The following SLC17A3 variants were observed in gnomAD, a reference collection of about 807,000 sequenced individuals.
SLC17A3 encodes the protein sodium-dependent phosphate transport protein 4.
Under a neutral mutation model 60.3 loss-of-function variants are expected in SLC17A3, and 61 were observed. The observed-to-expected ratio is 1.01, with a 90% CI of 0.82 to 1.25. The LOEUF (loss-of-function observed/expected upper bound fraction) is 1.25, where lower values mean the gene tolerates loss of function less well. Ranked by LOEUF, SLC17A3 falls within the 50% of genes most tolerant of loss-of-function variation. The pLI is 0.00. For synonymous variants in SLC17A3, 192 were observed against 208.9 expected, an observed-to-expected ratio of 0.92 and a Z score of 0.70; for missense variants, 624 against 594.9, an observed-to-expected ratio of 1.05 and a Z score of -0.51.
At chr6:25,868,276 A>G (rs750514315) in intron 2 of SLC17A3, 21 bp downstream of exon 2, 2 of 1,578,528 alleles carry the variant, frequency 1.3e-6, no homozygotes, top group Non-Finnish European at 1.7e-6. Flanking sequence ...CCTAAAACCA[A>G]GCAGTTGAGG....
At chr6:25,865,831 G>A (rs1765525290) in intron 2 of SLC17A3, among the ~76,000 whole-genome samples, 1 of 151,958 alleles carries the variant, frequency 6.6e-6, no homozygotes, top group South Asian at 2.1e-4. Context: ...ATACAAGAAT[G>A]TGTGGGTCTG....
At chr6:25,857,019 C>CA (rs1467103972) in intron 5 of SLC17A3, among the ~76,000 whole-genome samples, 1 of 151,490 alleles carries the variant, frequency 6.6e-6, no homozygotes, top group Non-Finnish European at 1.5e-5. Context: ...CCTGTGTCTA[C>CA]AAAAAACAAA....
intron 2 of SLC17A3, among the ~76,000 whole-genome samples, chr6:25,867,305 A>G (rs1375400111): frequency 6.6e-6 from 1 of 151,946 alleles, no homozygotes; most frequent in Non-Finnish European, 1.5e-5. Flanking sequence ...ATCTATTCTC[A>G]ATACAGCAGT....
rs1162541736 is a variant in SLC17A3, at chr6:25,861,918, T to C, written c.415A>G (p.Thr139Ala). Residue 139 changes from threonine to alanine, a missense_variant, in exon 4 of 13, where the codon ACA becomes GCA. Transcript: ENST00000397060. The part of the protein sequence containing the change: ...PSGYLAGRVG[T>A]KRVVGISLFA... ...AAAGAAATGCCAACCACTCGCTTTG[T>C]TCCTACTCTTCCAGCCAGGTATCCA... 1.2e-6 allele frequency: 2 copies of C among 1,612,708 alleles called. No individual in the cohort carries two copies. Among genetic ancestry groups the C allele is most frequent in the African/African-American group, 1.3e-5 (1 of 74,870 alleles).
At chr6:25,872,632 C>T (rs1172261191) in intron 1 of SLC17A3, among the ~76,000 whole-genome samples, 2 of 149,056 alleles carry the variant, frequency 1.3e-5, no homozygotes, top group Non-Finnish European at 3.0e-5. Context: ...GCATGAAAAC[C>T]CTGAAACATG....
intron 5 of SLC17A3, among the ~76,000 whole-genome samples, chr6:25,861,198 C>A (rs1426272590): frequency 6.6e-6 from 1 of 152,014 alleles, no homozygotes; most frequent in African/African-American, 2.4e-5. Context: ...CAATTGAGAG[C>A]AACTCCAAAG....
intron 11 of SLC17A3, among the ~76,000 whole-genome samples, chr6:25,847,462 T>C (rs1765197165): frequency 6.6e-6 from 1 of 152,146 alleles, no homozygotes; most frequent in Admixed American, 6.5e-5. Flanking sequence ...GGAAGATCTG[T>C]TTTTAGCTCT....
At chr6:25,854,805 C>G (rs1189746198) in intron 6 of SLC17A3, among the ~76,000 whole-genome samples, 2 of 152,138 alleles carry the variant, frequency 1.3e-5, no homozygotes, top group Non-Finnish European at 2.9e-5. Context: ...TACTCTGAGA[C>G]AAAACCCACA....
intron 1 of SLC17A3, among the ~76,000 whole-genome samples, chr6:25,873,195 C>T (rs1765672876): frequency 6.6e-6 from 1 of 152,098 alleles, no homozygotes; most frequent in Non-Finnish European, 1.5e-5. Flanking sequence ...CTCTCATTAT[C>T]TTCTCTTAAA....
chr6:25,865,129 C>T (rs566895855), intron 2 of SLC17A3, among the ~76,000 whole-genome samples: 2 of 152,118 alleles, frequency 1.3e-5, no homozygotes, highest in South Asian at 4.1e-4. Context: ...AACACAGGCA[C>T]AGAGAGACCA....
chr6:25,862,316 A>C lies in SLC17A3; in HGVS notation c.220T>G (p.Ser74Ala), dbSNP rs925703501. ...ACCTCAGAGGAATCATTGAGCTGGG[A>C]TTGAGGGCTTGTGCTGTTGACCATG... Reference protein sequence around the residue: ...VAMVNSTSPQSQLNDSSEVLP... With the variant: ...VAMVNSTSPQAQLNDSSEVLP... Residue 74 changes from serine (S) to alanine (A), a missense_variant, in exon 3 of 13, where the codon TCC (serine) becomes GCC (alanine). Ser to Ala is a moderately conservative substitution (Grantham distance 99). Coordinates refer to ENST00000397060, the MANE Select transcript of SLC17A3 (RefSeq NM_001098486.2). The C allele has an allele frequency of 6.2e-7, 1 of 1,613,728 alleles. No individual in the cohort carries two copies. The highest frequency in any genetic ancestry group is 8.5e-7 in the Non-Finnish European group (1 of 1,179,824).
chr6:25,859,358 A>C (rs900235412), intron 5 of SLC17A3, among the ~76,000 whole-genome samples: 1 of 152,196 alleles, frequency 6.6e-6, no homozygotes, highest in Non-Finnish European at 1.5e-5. Flanking sequence ...ATCTCTTCCC[A>C]ACTCTGCGTT....
chr6:25,873,237 T>C (rs1765673361), intron 1 of SLC17A3, among the ~76,000 whole-genome samples: 1 of 152,132 alleles, frequency 6.6e-6, no homozygotes, highest in African/African-American at 2.4e-5. Context: ...ATAGCCTGTC[T>C]ACACCTTGGC....
chr6:25,872,631 C>A (rs1353495534), intron 1 of SLC17A3, among the ~76,000 whole-genome samples: 1 of 149,732 alleles, frequency 6.7e-6, no homozygotes, highest in Non-Finnish European at 1.5e-5. Flanking sequence ...GGCATGAAAA[C>A]CCTGAAACAT....
rs765417330 is a variant in SLC17A3, at chr6:25,849,813, A to G, written c.1263T>C (p.Ile421=). ...GGAGATCAGAGTCCTACCTTGGAGC[A>G]ATATCTAAGACATTGATATAAATCC... The part of the protein sequence containing the change: ...QSGIYINVLD[I]APRYSSFLMG... The change falls in exon 10 of 13, where the codon ATT becomes ATC. Residue 421 remains isoleucine, a synonymous_variant. Transcript: ENST00000397060. 1.7e-5 allele frequency: 27 copies of G among 1,613,712 alleles called. No individual in the cohort carries two copies. Among genetic ancestry groups the G allele is most frequent in the Non-Finnish European group, 2.2e-5 (26 of 1,179,748 alleles).
At chr6:25,845,618 G>T in intron 11 of SLC17A3, 102 bp from the exon 12 acceptor site, 1 of 1,349,714 alleles carries the variant, frequency 7.4e-7, no homozygotes, top group Non-Finnish European at 1.1e-6. Flanking sequence ...GGGTTTCCTT[G>T]TAGAAATTCA....
intron 6 of SLC17A3, among the ~76,000 whole-genome samples, chr6:25,854,166 GTACTC>G (rs2151521172): frequency 6.6e-6 from 1 of 152,218 alleles, no homozygotes; most frequent in East Asian, 1.9e-4. Flanking sequence ...TTGAAAATAA[GTACTC>G]TACTGTTGTT....
chr6:25,850,077 A>AT lies in SLC17A3; in HGVS notation c.1093dup (p.Ile365AsnfsTer89). ...AATTGTGGCAATTTTCCTCACAGTG[A>AT]TGAGTCTAAACTTTTTGGTTAGAAG... is the stretch of plus-strand genomic sequence containing the variant. On this transcript the variant is annotated frameshift_variant, in exon 9 of 13. Transcript: ENST00000397060. LOFTEE classifies it high-confidence loss of function. 6.2e-7 allele frequency: 1 copy of AT among 1,613,996 alleles called. No homozygotes were observed. Among genetic ancestry groups the AT allele is most frequent in the Admixed American group, 1.7e-5 (1 of 60,014 alleles).
chr6:25,850,412 G>T, intron 8 of SLC17A3, 47 bp downstream of exon 8: 1 of 1,559,368 alleles, frequency 6.4e-7, no homozygotes, highest in Non-Finnish European at 8.8e-7. Context: ...CAGAGTAATT[G>T]GTCAGCCATG....
Sources: allele counts gnomAD v4.1 joint callset (sites outside exome capture counted in the v4.1 genomes callset), GRCh38; gene constraint gnomAD v4.1.1; transcripts MANE v1.5; gene names NCBI Gene and HGNC (gene_info 2026-07-23, HGNC 2026-07-21).